The following PPP2R3A variants were observed in gnomAD, a reference collection of about 807,000 sequenced individuals.
The protein encoded by PPP2R3A is protein phosphatase 2 regulatory subunit B''alpha, also known as serine/threonine-protein phosphatase 2A regulatory subunit B'' subunit alpha.
A neutral mutation model predicts 106.9 loss-of-function variants in PPP2R3A; 80 were observed. The ratio of observed to expected loss-of-function variants is 0.75; its 90% confidence interval spans 0.62 to 0.90. PPP2R3A has a LOEUF of 0.90. Among genes scored for constraint, PPP2R3A ranks in the 40% least tolerant of loss-of-function variants. The probability of loss-of-function intolerance (pLI) is 0.00; values close to 1 mark genes in which losing one functional copy is unlikely to be tolerated. For synonymous variants in PPP2R3A, 483 were observed against 468.3 expected, an observed-to-expected ratio of 1.03 and a Z score of -0.41; for missense variants, 1,386 against 1,350.4, an observed-to-expected ratio of 1.03 and a Z score of -0.41.
At position 136,015,619 on chromosome 3, in the gene PPP2R3A, C is replaced by G. The variant is rs550045836; in HGVS notation, c.1996-11213C>G. On this transcript the variant is annotated intron_variant, in intron 2 of 13. Transcript: ENST00000264977. ...GCGTGCATGAAGGTGTTCATAGTAG[C>G]CTTGAATGATCTTTTGTATTTTTGT... Among the ~76,000 whole-genome samples, 60 of 151,776 alleles carry G rather than the reference C, an allele frequency of 4.0e-4. 2 individuals carry two copies. The highest frequency in any genetic ancestry group is 1.4e-3 in the African/African-American group (60 of 41,418).
At chr3:136,074,850 T>C (rs755840794) in intron 6 of PPP2R3A, among the ~76,000 whole-genome samples, 1 of 152,198 alleles carries the variant, frequency 6.6e-6, no homozygotes, top group Non-Finnish European at 1.5e-5. Context: ...TTGAAAACTT[T>C]TCCTCTTAAG....
intron 5 of PPP2R3A, among the ~76,000 whole-genome samples, chr3:136,057,086 C>T (rs563630338): frequency 2.0e-5 from 3 of 151,114 alleles, no homozygotes; most frequent in South Asian, 2.1e-4. Flanking sequence ...CCACACACAC[C>T]GTTGGTGGGA....
At chr3:136,111,299 G>C (rs1937587817) in intron 13 of PPP2R3A, among the ~76,000 whole-genome samples, 1 of 152,024 alleles carries the variant, frequency 6.6e-6, no homozygotes. Context: ...TGATAAAGTT[G>C]TATTTCTCCA....
chr3:136,128,214 CT>C (rs751644615), intron 13 of PPP2R3A, among the ~76,000 whole-genome samples: 4 of 152,024 alleles, frequency 2.6e-5, no homozygotes, highest in Non-Finnish European at 4.4e-5. Context: ...AAGACACAGA[CT>C]GGCAAATTGG....
At chr3:136,073,652 CTGAGA>C (rs1295100513) in intron 6 of PPP2R3A, among the ~76,000 whole-genome samples, 1 of 152,096 alleles carries the variant, frequency 6.6e-6, no homozygotes, top group Non-Finnish European at 1.5e-5. Flanking sequence ...TGAATATGTA[CTGAGA>C]TAAGTGAATA....
At chr3:135,988,125 A>T (rs1172945989) in intron 1 of PPP2R3A, among the ~76,000 whole-genome samples, 1 of 152,054 alleles carries the variant, frequency 6.6e-6, no homozygotes, top group African/African-American at 2.4e-5. Flanking sequence ...ACATGTCCAA[A>T]ACTGAACTAC....
intron 2 of PPP2R3A, among the ~76,000 whole-genome samples, chr3:136,004,984 G>A (rs1361659172): frequency 1.3e-5 from 2 of 152,120 alleles, no homozygotes; most frequent in East Asian, 1.9e-4. Flanking sequence ...CATTTGAGCA[G>A]GGGAACAAAT....
intron 10 of PPP2R3A, among the ~76,000 whole-genome samples, chr3:136,097,067 T>C (rs576187972): frequency 2.6e-5 from 4 of 152,336 alleles, no homozygotes; most frequent in African/African-American, 9.6e-5. Context: ...ATATTGGTGG[T>C]AAATATAGCA....
At chr3:136,013,926 T>A (rs116379386) in intron 2 of PPP2R3A, among the ~76,000 whole-genome samples, 2 of 152,298 alleles carry the variant, frequency 1.3e-5, no homozygotes, top group Non-Finnish European at 2.9e-5. Flanking sequence ...AGCCGATGTC[T>A]AGAAGGGTTT....
At position 136,132,976 on chromosome 3, in the gene PPP2R3A, A is replaced by G. The variant is rs1054770395; in HGVS notation, c.3330-12067A>G. Among the ~76,000 whole-genome samples the G allele has an allele frequency of 2.6e-5, 4 of 152,138 alleles. 1 individual carries two copies. The highest frequency in any genetic ancestry group is 3.8e-4 in the East Asian group (2 of 5,202). ...ATAGTCTTTTCAAAAATGATGCTAA[A>G]ATAATTGGATATCCATGTGCCAAAA... On this transcript the variant is annotated intron_variant, in intron 13 of 13. Transcript: ENST00000264977.
At chr3:136,041,238 G>GTTTTTTTTTTTTGT (rs67116006) in intron 4 of PPP2R3A, among the ~76,000 whole-genome samples, 1 of 92,936 alleles carries the variant, frequency 1.1e-5, no homozygotes, top group African/African-American at 4.5e-5. Context: ...GGTTTTTCTT[G>GTTTTTTTTTTTTGT]TTTTTTTTTT....
chr3:136,012,688 G>A (rs1446888534), intron 2 of PPP2R3A, among the ~76,000 whole-genome samples: 1 of 152,106 alleles, frequency 6.6e-6, no homozygotes, highest in Non-Finnish European at 1.5e-5. Flanking sequence ...ATGAAATCTA[G>A]TATTAACTAA....
chr3:136,030,233 CG>C (rs59330378), intron 3 of PPP2R3A, among the ~76,000 whole-genome samples: 55,223 of 142,538 alleles, frequency 0.39, 11,615 homozygotes, highest in African/African-American at 0.61. Flanking sequence ...AAAGTTGGGG[CG>C]GGGGGGATGT....
intron 8 of PPP2R3A, among the ~76,000 whole-genome samples, chr3:136,087,245 GTCTCTCTCTCTCTCTCTCTCTCTC>G (rs34566151): frequency 4.7e-4 from 35 of 75,128 alleles, no homozygotes; most frequent in East Asian, 1.7e-3. Context: ...CTCTAGTCGT[GTCTCTCTCTCTCTCTCTCTCTCTC>G]TCTCTCTCTC....
chr3:136,102,306 G>A, intron 11 of PPP2R3A, 124 bp downstream of exon 11: 1 of 781,196 alleles, frequency 1.3e-6, no homozygotes, highest in Non-Finnish European at 1.8e-6. Context: ...TAGGACAGAA[G>A]TGTTTAAAGT....
At chr3:136,067,401 A>C (rs1044379979) in intron 5 of PPP2R3A, among the ~76,000 whole-genome samples, 1 of 152,196 alleles carries the variant, frequency 6.6e-6, no homozygotes, top group Non-Finnish European at 1.5e-5. Flanking sequence ...AGAGACAGAA[A>C]CAAAGTGAGT....
At chr3:136,008,711 C>A (rs1022893109) in intron 2 of PPP2R3A, among the ~76,000 whole-genome samples, 1 of 152,064 alleles carries the variant, frequency 6.6e-6, no homozygotes, top group Admixed American at 6.6e-5. Context: ...ATTCATGTTC[C>A]TCCAGAAGTA....
At chr3:135,984,451 A>G (rs547579079) in intron 1 of PPP2R3A, among the ~76,000 whole-genome samples, 142 of 152,280 alleles carry the variant, frequency 9.3e-4, no homozygotes, top group Non-Finnish European at 1.2e-3. Context: ...GCACAATCCT[A>G]GTAATATGGT....
At chr3:136,048,230 G>C (rs760352126) in intron 4 of PPP2R3A, among the ~76,000 whole-genome samples, 9 of 152,204 alleles carry the variant, frequency 5.9e-5, no homozygotes, top group Non-Finnish European at 1.2e-4. Context: ...AAGGGAAAAG[G>C]GTATTGTGGT....
Sources: allele counts gnomAD v4.1 joint callset (sites outside exome capture counted in the v4.1 genomes callset), GRCh38; gene constraint gnomAD v4.1.1; transcripts MANE v1.5; gene names NCBI Gene and HGNC (gene_info 2026-07-23, HGNC 2026-07-21).